SEMA3A: variants seen among roughly 807,000 people sequenced by gnomAD.
The protein encoded by SEMA3A is semaphorin-3A.
Under a neutral mutation model 97.9 loss-of-function variants are expected in SEMA3A, and 29 were observed. The ratio of observed to expected loss-of-function variants is 0.30; its 90% CI spans 0.22 to 0.40. The LOEUF (loss-of-function observed/expected upper bound fraction) is 0.40. Among genes scored for constraint, SEMA3A ranks in the 10% least tolerant of loss-of-function variants. The probability of loss-of-function intolerance (pLI) is 1.00; values close to 1 mark genes in which losing one functional copy is unlikely to be tolerated. For missense variants in SEMA3A, 763 were observed against 951.3 expected (o/e 0.80, Z 2.60); for synonymous variants, 321 against 323.7 (o/e 0.99, Z 0.09).
At chr7:84,318,667 T>C (rs1002583930) in intron 2 of SEMA3A, among the ~76,000 whole-genome samples, 2 of 152,182 alleles carry the variant, frequency 1.3e-5, no homozygotes, top group Non-Finnish European at 2.9e-5. Context: ...ACAGAGCTGA[T>C]GGATCAGTGG....
chr7:84,423,397 T>A (rs1804653627), intron 1 of SEMA3A, among the ~76,000 whole-genome samples: 2 of 152,084 alleles, frequency 1.3e-5, no homozygotes, highest in South Asian at 4.1e-4. Flanking sequence ...CCTTGAGACC[T>A]TTGATTTGCT....
Position 84,266,345 on chromosome 7 carries a change from G to A in SEMA3A, c.-83+40862C>T, listed in dbSNP as rs1448895908. On this transcript the variant is annotated intron_variant, in intron 3 of 3. Coordinates refer to the SEMA3A transcript ENST00000424555. ...AAAAAAAAAAAAAAAAAAGAAAAAT[G>A]TTTCTAATTGTATCACAGTAGCAGA... is the stretch of plus-strand genomic sequence containing the variant. 4.9e-5 allele frequency among the ~76,000 whole-genome samples: 7 copies of A among 142,942 alleles called. 1 individual carries two copies. The Middle Eastern group carries it at 0.014, about 296-fold the overall frequency. 93.8% of individuals were successfully genotyped at this position (142,942 alleles called of 152,430 possible).
chr7:84,440,872 A>G (rs2116339726), intron 1 of SEMA3A, among the ~76,000 whole-genome samples: 1 of 152,312 alleles, frequency 6.6e-6, no homozygotes, highest in South Asian at 2.1e-4. Context: ...ACTTAAAAAT[A>G]AATAGGCCAG....
intron 4 of SEMA3A, among the ~76,000 whole-genome samples, chr7:84,063,478 G>A (rs1258939502): frequency 2.6e-5 from 4 of 151,144 alleles, no homozygotes; most frequent in Non-Finnish European, 5.9e-5. Context: ...TCTGAGCTAC[G>A]GAAGGACATT....
At chr7:84,015,983 CAAT>C (rs772832533) in intron 6 of SEMA3A, among the ~76,000 whole-genome samples, 29 of 152,034 alleles carry the variant, frequency 1.9e-4, no homozygotes, top group Non-Finnish European at 4.0e-4. Context: ...AAGATCCATA[CAAT>C]AATACAATAC....
chr7:84,261,925 A>G (rs1799865432), intron 3 of SEMA3A, among the ~76,000 whole-genome samples: 2 of 152,090 alleles, frequency 1.3e-5, no homozygotes, highest in South Asian at 2.1e-4. Context: ...ACTTATAGTC[A>G]TTCTTTTAAG....
At chr7:84,146,922 T>C (rs1178222231) in intron 1 of SEMA3A, among the ~76,000 whole-genome samples, 1 of 152,338 alleles carries the variant, frequency 6.6e-6, no homozygotes, top group African/African-American at 2.4e-5. Context: ...GCGGTAAGCA[T>C]TGTATTATCA....
At chr7:84,308,619 G>A (rs974776414) in intron 2 of SEMA3A, among the ~76,000 whole-genome samples, 4 of 152,084 alleles carry the variant, frequency 2.6e-5, no homozygotes, top group African/African-American at 9.7e-5. Flanking sequence ...AGTCGGGAAG[G>A]GGCCAGAGGT....
intron 4 of SEMA3A, among the ~76,000 whole-genome samples, chr7:84,104,213 A>C (rs911650462): frequency 2.0e-5 from 3 of 152,124 alleles, no homozygotes; most frequent in African/African-American, 7.2e-5. Context: ...ACATACACTA[A>C]AAAATAAAGT....
intron 3 of SEMA3A, among the ~76,000 whole-genome samples, chr7:84,303,511 A>G (rs1801078004): frequency 6.6e-6 from 1 of 152,152 alleles, no homozygotes; most frequent in Non-Finnish European, 1.5e-5. Context: ...AATTAGTAAC[A>G]GCTAAAATAA....
chr7:84,416,494 C>T (rs1804439644), intron 1 of SEMA3A, among the ~76,000 whole-genome samples: 1 of 152,224 alleles, frequency 6.6e-6, no homozygotes, highest in Admixed American at 6.6e-5. Context: ...ACTGCACTCA[C>T]TTACCAAAAC....
At chr7:84,421,352 G>A (rs1804586859) in intron 1 of SEMA3A, among the ~76,000 whole-genome samples, 1 of 152,018 alleles carries the variant, frequency 6.6e-6, no homozygotes, top group South Asian at 2.1e-4. Flanking sequence ...ATCACTAGAT[G>A]TGTTCAGAAG....
chr7:84,447,900 C>T (rs1045636362), intron 1 of SEMA3A, among the ~76,000 whole-genome samples: 3 of 152,204 alleles, frequency 2.0e-5, no homozygotes, highest in African/African-American at 7.2e-5. Flanking sequence ...CAGGTGCCAC[C>T]GCATTCCGCT....
chr7:84,048,005 T>C (rs1367414747), intron 5 of SEMA3A, among the ~76,000 whole-genome samples: 1 of 151,936 alleles, frequency 6.6e-6, no homozygotes. Flanking sequence ...AACATAAACA[T>C]GTTATTACTC....
chr7:84,071,232 G>A lies in SEMA3A; in HGVS notation c.454-10674C>T, dbSNP rs113971805. ...CATATGGCTAGTGGCTTCCATAATG[G>A]ATAAAGGCAAATATAGAATATTTCC... is the stretch of plus-strand genomic sequence containing the variant. On this transcript the variant is annotated intron_variant, in intron 4 of 16. Transcript: ENST00000265362. Among the ~76,000 whole-genome samples, 156 of 152,122 alleles carry A rather than the reference G, an allele frequency of 1.0e-3. 1 individual carries two copies. The highest frequency in any genetic ancestry group is 3.6e-3 in the African/African-American group (151 of 41,538).
chr7:84,256,125 T>C (rs1356804), intron 3 of SEMA3A, among the ~76,000 whole-genome samples: 9,997 of 152,126 alleles, frequency 0.066, 547 homozygotes, highest in East Asian at 0.3. Context: ...AATACATACA[T>C]AATGCAGAGA....
rs531740620 is a variant in SEMA3A at position 84,118,924 on chromosome 7, A to C, written c.334-8335T>G. ...TCAATCACACAGTTGGTCTCTGGTAAAACCATGATGAAAAGATATATCTTA... is the reference window on the plus strand; with the variant it reads ...TCAATCACACAGTTGGTCTCTGGTACAACCATGATGAAAAGATATATCTTA... On this transcript the variant is annotated intron_variant, in intron 3 of 16. Coordinates refer to ENST00000265362, the MANE Select transcript of SEMA3A (RefSeq NM_006080.3). Among the ~76,000 whole-genome samples the C allele has an allele frequency of 3.1e-3, 470 of 152,308 alleles. 5 individuals carry two copies. The highest frequency in any genetic ancestry group is 0.011 in the African/African-American group (449 of 41,572).
intron 4 of SEMA3A, among the ~76,000 whole-genome samples, chr7:84,091,159 GGAAGGAAGGAAAGAAAGAAAGAAAGAAA>G (rs1159215119): frequency 0.01 from 257 of 25,090 alleles, 3 homozygotes; most frequent in African/African-American, 0.035. Context: ...AAGGAAGGAA[GGAAGGAAGGAAAGAAAGAAAGAAAGAAA>G]GAAAGAAAGA....
At chr7:84,271,278 C>CCTGGA (rs1017775560) in intron 3 of SEMA3A, among the ~76,000 whole-genome samples, 7 of 152,060 alleles carry the variant, frequency 4.6e-5, no homozygotes, top group Non-Finnish European at 1.0e-4. Flanking sequence ...GGTTCAAACT[C>CCTGGA]CTGGGCTCAC....
Sources: allele counts gnomAD v4.1 joint callset (sites outside exome capture counted in the v4.1 genomes callset), GRCh38; gene constraint gnomAD v4.1.1; transcripts MANE v1.5; gene names NCBI Gene and HGNC (gene_info 2026-07-23, HGNC 2026-07-21).